The following ETS1 variants were observed in gnomAD, a reference collection of about 807,000 sequenced individuals.
ETS1 encodes the protein protein C-ets-1.
Under a neutral mutation model 58.6 loss-of-function variants are expected in ETS1, and 15 were observed. The observed-to-expected ratio is 0.26, with a 90% CI of 0.17 to 0.39. The LOEUF (loss-of-function observed/expected upper bound fraction) is 0.39. Among genes scored for constraint, ETS1 ranks in the 10% least tolerant of loss-of-function variants. The pLI, the probability that ETS1 is intolerant of heterozygous loss-of-function variation, is 1.00. For missense variants in ETS1, 417 were observed against 610.5 expected, an observed-to-expected ratio of 0.68 and a Z score of 3.34; for synonymous variants, 214 against 218.2, an observed-to-expected ratio of 0.98 and a Z score of 0.17.
At chr11:128,545,501 T>C (rs1169900800) in intron 3 of ETS1, among the ~76,000 whole-genome samples, 2 of 152,218 alleles carry the variant, frequency 1.3e-5, no homozygotes, top group African/African-American at 2.4e-5. Flanking sequence ...TTATCTCATC[T>C]GTAAAATGGG....
chr11:128,585,101 AAGGAAGGAAG>A lies in ETS1; in HGVS notation c.-15+2377_-15+2386del, dbSNP rs1565421509. On this transcript the variant is annotated intron_variant, in intron 1 of 9. Coordinates refer to ENST00000392668, the MANE Select transcript of ETS1 (RefSeq NM_001143820.2). Reference sequence around the variant, plus strand: ...GAGAAAGAAAGAAAGGAAAGAAAGAAAGGAAGGAAGGAAGGAAAGAAAGAAGAAAGAAAGA... The same window carrying A: ...GAGAAAGAAAGAAAGGAAAGAAAGAAGAAGGAAAGAAAGAAGAAAGAAAGA... Among the ~76,000 whole-genome samples, 213 of 28,928 alleles carry A rather than the reference AAGGAAGGAAG, an allele frequency of 7.4e-3. 44 individuals carry two copies. Among genetic ancestry groups the A allele is most frequent in the South Asian group, 9.0e-3 (14 of 1,560 alleles). 19.0% of individuals were successfully genotyped at this position (28,928 alleles called of 152,430 possible). A position where few individuals can be genotyped will look rare whatever the true frequency, so the allele number is the denominator to read the frequency against.
At chr11:128,552,957 G>T (rs1387155481) in intron 3 of ETS1, among the ~76,000 whole-genome samples, 1 of 152,214 alleles carries the variant, frequency 6.6e-6, no homozygotes, top group East Asian at 1.9e-4. Context: ...TGTTATGGTG[G>T]TTGGAGAGAA....
At chr11:128,523,279 C>A (rs1863737025) in intron 3 of ETS1, among the ~76,000 whole-genome samples, 1 of 152,098 alleles carries the variant, frequency 6.6e-6, no homozygotes, top group South Asian at 2.1e-4. Context: ...ATTTGGGAAC[C>A]CCCAACACTA....
intron 2 of ETS1, among the ~76,000 whole-genome samples, chr11:128,561,503 G>C (rs1864404221): frequency 6.6e-6 from 1 of 152,210 alleles, no homozygotes; most frequent in Admixed American, 6.5e-5. Context: ...CTTGATTACT[G>C]AGTTTGGGGG....
chr11:128,481,841 C>T (rs1424280179), intron 7 of ETS1, among the ~76,000 whole-genome samples: 2 of 152,144 alleles, frequency 1.3e-5, no homozygotes, highest in Admixed American at 1.3e-4. Flanking sequence ...GTTTAAAGAT[C>T]CGGATAAAAT....
At chr11:128,529,566 G>A (rs561718522) in intron 3 of ETS1, among the ~76,000 whole-genome samples, 1 of 152,262 alleles carries the variant, frequency 6.6e-6, no homozygotes, top group East Asian at 1.9e-4. Flanking sequence ...TAAAAACCAA[G>A]GAAATATTGG....
chr11:128,577,923 A>C (rs1258673842), intron 1 of ETS1, among the ~76,000 whole-genome samples: 1 of 151,854 alleles, frequency 6.6e-6, no homozygotes, highest in Non-Finnish European at 1.5e-5. Flanking sequence ...GCCAAAAAAA[A>C]AAAAAAGAGA....
chr11:128,471,785 T>C (rs1028061056), intron 8 of ETS1, among the ~76,000 whole-genome samples: 1 of 152,210 alleles, frequency 6.6e-6, no homozygotes, highest in Admixed American at 6.5e-5. Flanking sequence ...AAGAAAGATA[T>C]GTTCACTGAT....
intron 3 of ETS1, among the ~76,000 whole-genome samples, chr11:128,550,111 G>A (rs1416259082): frequency 1.3e-5 from 2 of 152,158 alleles, no homozygotes; most frequent in African/African-American, 2.4e-5. Flanking sequence ...TGTGAAAGGT[G>A]AGGGTTGGGA....
Position 128,481,713 on chromosome 11 carries a change from C to T in ETS1, c.863-1262G>A, listed in dbSNP as rs1018549434. On this transcript the variant is annotated intron_variant, in intron 7 of 9. Coordinates refer to ENST00000392668, the MANE Select transcript of ETS1 (RefSeq NM_001143820.2). ...ACTTATACAACTTCATATTAGTGTG[C>T]CTCCAGTGTATTTTTCCCTCCATGA... 2.0e-5 allele frequency among the ~76,000 whole-genome samples: 3 copies of T among 152,150 alleles called. No individual in the cohort carries two copies. In the East Asian group the frequency reaches 5.8e-4, roughly 29 times the overall value.
chr11:128,507,223 C>T (rs1004827788), intron 3 of ETS1, among the ~76,000 whole-genome samples: 1 of 152,222 alleles, frequency 6.6e-6, no homozygotes, highest in East Asian at 1.9e-4. Flanking sequence ...CAGATCGAGC[C>T]GGGCTCCACC....
At chr11:128,521,724 AC>A (rs1265557024) in intron 3 of ETS1, among the ~76,000 whole-genome samples, 1 of 152,278 alleles carries the variant, frequency 6.6e-6, no homozygotes, top group East Asian at 1.9e-4. Context: ...GTCTAGGGCC[AC>A]CAACAGTCCT....
chr11:128,584,517 C>A (rs1452906440), intron 1 of ETS1, among the ~76,000 whole-genome samples: 1 of 152,134 alleles, frequency 6.6e-6, no homozygotes, highest in Non-Finnish European at 1.5e-5. Context: ...ATGAAGCAGT[C>A]CCTGCAAAGC....
At chr11:128,516,495 C>G (rs897979719) in intron 3 of ETS1, among the ~76,000 whole-genome samples, 1 of 152,152 alleles carries the variant, frequency 6.6e-6, no homozygotes, top group African/African-American at 2.4e-5. Context: ...TTCCTCTCTG[C>G]GGTGACAGTG....
intron 3 of ETS1, among the ~76,000 whole-genome samples, chr11:128,501,828 T>A (rs939971628): frequency 3.9e-5 from 6 of 152,214 alleles, no homozygotes; most frequent in Non-Finnish European, 8.8e-5. Flanking sequence ...ACAAAAGCAT[T>A]ACTGGAATCA....
intron 3 of ETS1, among the ~76,000 whole-genome samples, chr11:128,511,667 G>A (rs1051504251): frequency 6.6e-6 from 1 of 152,190 alleles, no homozygotes; most frequent in African/African-American, 2.4e-5. Flanking sequence ...AAAGAGAAAA[G>A]AATGCCTTGT....
intron 8 of ETS1, among the ~76,000 whole-genome samples, chr11:128,474,249 G>T (rs553240500): frequency 6.6e-6 from 1 of 152,250 alleles, no homozygotes; most frequent in Admixed American, 6.5e-5. Context: ...AGTATGAATA[G>T]ATCCCTTCTG....
intron 3 of ETS1, among the ~76,000 whole-genome samples, chr11:128,545,051 A>C (rs1864113329): frequency 6.6e-6 from 1 of 151,884 alleles, no homozygotes; most frequent in Non-Finnish European, 1.5e-5. Flanking sequence ...GGACAAAGGG[A>C]GTATGATGCT....
At position 128,532,657 on chromosome 11, in the gene ETS1, CT is replaced by C. The variant is rs373803675; in HGVS notation, c.214+23633del. On this transcript the variant is annotated intron_variant, in intron 3 of 9. Transcript: ENST00000392668. ...TACATGGCTGAGTCCTCTTGCTCTCCTTTTTTTTTTTCCCCAGTGACTTTGG... is the reference window on the plus strand; with the variant it reads ...TACATGGCTGAGTCCTCTTGCTCTCCTTTTTTTTTTCCCCAGTGACTTTGG... Among the ~76,000 whole-genome samples, 618 of 147,470 alleles carry C rather than the reference CT, an allele frequency of 4.2e-3. 5 individuals carry two copies. The highest frequency in any genetic ancestry group is 0.013 in the African/African-American group (524 of 40,602).
Sources: allele counts gnomAD v4.1 joint callset (sites outside exome capture counted in the v4.1 genomes callset), GRCh38; gene constraint gnomAD v4.1.1; transcripts MANE v1.5; gene names NCBI Gene and HGNC (gene_info 2026-07-23, HGNC 2026-07-21).